CSGALNACT1: variants seen among roughly 807,000 people sequenced by gnomAD.
CSGALNACT1 encodes the protein beta4GalNAcT-1.
Under a neutral mutation model 51.0 loss-of-function variants are expected in CSGALNACT1, and 52 were observed. The observed-to-expected ratio is 1.02, with a 90% CI of 0.82 to 1.29. The LOEUF (loss-of-function observed/expected upper bound fraction) is 1.29. CSGALNACT1 is among the 50% of genes most tolerant of loss of function. CSGALNACT1 has a pLI of 0.00. For synonymous variants in CSGALNACT1, 341 were observed against 254.4 expected (o/e 1.34, Z -3.24); for missense variants, 935 against 679.2 (o/e 1.38, Z -4.19).
chr8:19,607,586 C>A (rs146938633), intron 1 of CSGALNACT1, among the ~76,000 whole-genome samples: 4 of 152,312 alleles, frequency 2.6e-5, no homozygotes, highest in Middle Eastern at 3.4e-3. Context: ...GCTAGCCCTG[C>A]CCTTATTAGA....
At chr8:19,704,362 C>G (rs2062042176) in intron 1 of CSGALNACT1, among the ~76,000 whole-genome samples, 1 of 152,176 alleles carries the variant, frequency 6.6e-6, no homozygotes, top group South Asian at 2.1e-4. Flanking sequence ...TCTTGCATAT[C>G]AAAACCACAG....
intron 1 of CSGALNACT1, among the ~76,000 whole-genome samples, chr8:19,687,992 G>T (rs936971958): frequency 6.6e-6 from 1 of 152,190 alleles, no homozygotes; most frequent in Non-Finnish European, 1.5e-5. Flanking sequence ...GTTGTGGTTT[G>T]CAAGGTACAA....
At chr8:19,606,011 G>T (rs148438398), upstream of CSGALNACT1, among the ~76,000 whole-genome samples, 125 of 152,216 alleles carry the variant, frequency 8.2e-4, no homozygotes, top group Admixed American at 1.4e-3. Flanking sequence ...TATCCATCCA[G>T]CTGCCTTAAG....
chr8:19,756,732 C>T (rs934495621), intron 1 of CSGALNACT1, among the ~76,000 whole-genome samples: 13 of 152,182 alleles, frequency 8.5e-5, no homozygotes, highest in African/African-American at 2.4e-5. Flanking sequence ...CTCGTCACGC[C>T]CCCTCCACCC....
At position 19,418,703 on chromosome 8, in the gene CSGALNACT1, T is replaced by C. The variant is rs1426887247; in HGVS notation, c.1180A>G (p.Ile394Val). Reference sequence around the variant, plus strand: ...ACTGCATCATGGTGGCCGTATATTATGCCAGGATTGTACTGACTGAAAAGA... The same window carrying C: ...ACTGCATCATGGTGGCCGTATATTACGCCAGGATTGTACTGACTGAAAAGA... The change falls in exon 8 of 10, where the codon ATA (isoleucine) becomes GTA (valine). Residue 394 changes from isoleucine (I) to valine (V), a missense_variant. By Grantham distance (29) the Ile-to-Val change is conservative. Coordinates refer to ENST00000454498, the Ensembl canonical transcript of CSGALNACT1. 2.5e-6 allele frequency: 4 copies of C among 1,613,916 alleles called. No homozygotes were observed. The South Asian group carries it at 3.3e-5, about 13-fold the overall frequency.
intron 1 of CSGALNACT1, among the ~76,000 whole-genome samples, chr8:19,641,175 C>T (rs1225402585): frequency 1.4e-5 from 2 of 144,680 alleles, no homozygotes; most frequent in African/African-American, 5.2e-5. Context: ...CTCTCTCTCC[C>T]CTTCACTTCT....
At chr8:19,444,373 T>A (rs2061786422) in intron 5 of CSGALNACT1, among the ~76,000 whole-genome samples, 1 of 152,230 alleles carries the variant, frequency 6.6e-6, no homozygotes, top group Non-Finnish European at 1.5e-5. Context: ...TTTTTTGGAA[T>A]ATTTCCAGTC....
intron 1 of CSGALNACT1, among the ~76,000 whole-genome samples, chr8:19,736,652 A>G (rs2063994842): frequency 1.3e-5 from 2 of 152,286 alleles, no homozygotes; most frequent in African/African-American, 4.8e-5. Flanking sequence ...TACATGTTGT[A>G]TTGGACATGG....
intron 1 of CSGALNACT1, among the ~76,000 whole-genome samples, chr8:19,681,112 G>A (rs1401829480): frequency 6.6e-6 from 1 of 152,098 alleles, no homozygotes; most frequent in Admixed American, 6.5e-5. Flanking sequence ...CTGAAGATAT[G>A]AAGGGACGAC....
intron 3 of CSGALNACT1, among the ~76,000 whole-genome samples, chr8:19,548,986 C>T (rs6999592): frequency 0.33 from 49,642 of 151,834 alleles, 9,120 homozygotes; most frequent in African/African-American, 0.51. Flanking sequence ...GCCTTATACT[C>T]TTTGAAATTT....
chr8:19,502,520 CTTT>C (rs2076596453), intron 4 of CSGALNACT1, among the ~76,000 whole-genome samples: 1 of 152,150 alleles, frequency 6.6e-6, no homozygotes, highest in Non-Finnish European at 1.5e-5. Flanking sequence ...GAATCCCCAT[CTTT>C]GTTATACTAC....
intron 2 of CSGALNACT1, among the ~76,000 whole-genome samples, chr8:19,598,121 C>G (rs1017856544): frequency 6.6e-6 from 1 of 152,182 alleles, no homozygotes; most frequent in African/African-American, 2.4e-5. Flanking sequence ...AGGTGAAGCA[C>G]AGGCTTGGAG....
chr8:19,617,936 G>A (rs754505158), intron 1 of CSGALNACT1, among the ~76,000 whole-genome samples: 1 of 152,068 alleles, frequency 6.6e-6, no homozygotes, highest in Non-Finnish European at 1.5e-5. Context: ...CTAGAGAGCA[G>A]TGGTGTGATC....
At chr8:19,618,862 C>A (rs2053435799) in intron 1 of CSGALNACT1, among the ~76,000 whole-genome samples, 1 of 152,048 alleles carries the variant, frequency 6.6e-6, no homozygotes, top group South Asian at 2.1e-4. Flanking sequence ...ATGTAATTAT[C>A]ACCATCATCC....
intron 1 of CSGALNACT1, among the ~76,000 whole-genome samples, chr8:19,672,453 C>T (rs2059867903): frequency 6.6e-6 from 1 of 152,222 alleles, no homozygotes; most frequent in South Asian, 2.1e-4. Flanking sequence ...AGTCATATCT[C>T]AGACATATTC....
In CSGALNACT1 at chr8:19,597,229, C is replaced by T. The variant is rs145997036; in HGVS notation, c.-416+4542G>A. ...TTGTATGGATATACATACTGCATTT[C>T]GTGTATCCATTCATCTGTTAATGGA... On this transcript the variant is annotated intron_variant, in intron 2 of 9. Transcript: ENST00000454498. Among the ~76,000 whole-genome samples, 732 of 149,032 alleles carry T rather than the reference C, an allele frequency of 4.9e-3. 4 individuals carry two copies. The highest frequency in any genetic ancestry group is 0.015 in the African/African-American group (591 of 40,312).
intron 3 of CSGALNACT1, among the ~76,000 whole-genome samples, chr8:19,589,197 T>C (rs1243935939): frequency 1.3e-5 from 2 of 152,198 alleles, no homozygotes; most frequent in Admixed American, 6.6e-5. Flanking sequence ...GGCGTTTCTT[T>C]GAGGAGAAAA....
intron 1 of CSGALNACT1, among the ~76,000 whole-genome samples, chr8:19,609,699 G>A (rs377577772): frequency 2.0e-5 from 3 of 152,020 alleles, no homozygotes; most frequent in East Asian, 1.9e-4. Context: ...AAGCAGGAGG[G>A]TCAGATTACT....
exon 5 of CSGALNACT1, chr8:19,458,434 C>T (rs1197185712): frequency 6.2e-7 from 1 of 1,614,048 alleles, no homozygotes; most frequent in Non-Finnish European, 8.5e-7. Flanking sequence ...ACCTGAAATT[C>T]TGCATGAACT....
Sources: gnomAD v4.1 joint callset for allele counts (sites outside exome capture counted in the v4.1 genomes callset) on GRCh38, gnomAD v4.1.1 for gene constraint, MANE v1.5 for transcripts, NCBI Gene and HGNC (gene_info 2026-07-23, HGNC 2026-07-21) for gene names.